PPARGC1A: variants seen among roughly 807,000 people sequenced by gnomAD.
PPARGC1A encodes PPARG coactivator 1 alpha, also known as peroxisome proliferator-activated receptor gamma coactivator 1-alpha.
Under a neutral mutation model 88.7 loss-of-function variants are expected in PPARGC1A, and 25 were observed. The ratio of observed to expected loss-of-function variants is 0.28; its 90% confidence interval spans 0.21 to 0.39. PPARGC1A has a LOEUF of 0.39. PPARGC1A is among the 10% of genes least tolerant of loss of function. PPARGC1A has a pLI of 1.00. For missense variants in PPARGC1A, 880 were observed against 968.7 expected (o/e 0.91, Z 1.22); for synonymous variants, 363 against 355.6 (o/e 1.02, Z -0.24).
the PPARGC1A span, among the ~76,000 whole-genome samples, chr4:24,406,734 C>T: frequency 6.6e-6 from 1 of 152,308 alleles, no homozygotes; most frequent in East Asian, 1.9e-4. Context: ...GAGCTAGCAG[C>T]TCCAGCAGTG....
chr4:24,235,593 T>C, the PPARGC1A span, among the ~76,000 whole-genome samples: 1 of 152,142 alleles, frequency 6.6e-6, no homozygotes. Context: ...AAGAACAACC[T>C]GGAGAGAAAT....
At chr4:23,835,283 T>C (rs1350745638) in intron 2 of PPARGC1A, among the ~76,000 whole-genome samples, 1 of 152,240 alleles carries the variant, frequency 6.6e-6, no homozygotes, top group Non-Finnish European at 1.5e-5. Flanking sequence ...CAACCAGTTT[T>C]CTCCAATTTC....
chr4:24,156,728 C>A, the PPARGC1A span, among the ~76,000 whole-genome samples: 1 of 147,530 alleles, frequency 6.8e-6, no homozygotes, highest in Non-Finnish European at 1.5e-5. Flanking sequence ...GCGGTCTTTT[C>A]TCTCTCTCTT....
At chr4:24,211,062 T>C in the PPARGC1A span, among the ~76,000 whole-genome samples, 43 of 152,340 alleles carry the variant, frequency 2.8e-4, no homozygotes, top group African/African-American at 9.9e-4. Flanking sequence ...CTTACTTGTA[T>C]CAACCACTCT....
chr4:24,455,874 C>A, the PPARGC1A span, among the ~76,000 whole-genome samples: 1 of 152,230 alleles, frequency 6.6e-6, no homozygotes, highest in Non-Finnish European at 1.5e-5. Flanking sequence ...AAATAAATCT[C>A]TGTTTTTTAT....
chr4:24,385,460 T>G, the PPARGC1A span, among the ~76,000 whole-genome samples: 2 of 152,148 alleles, frequency 1.3e-5, no homozygotes, highest in African/African-American at 4.8e-5. Context: ...AGGAGCTGGT[T>G]TTTTGAAAAG....
At chr4:23,986,630 C>T in the PPARGC1A span, among the ~76,000 whole-genome samples, 3 of 152,112 alleles carry the variant, frequency 2.0e-5, no homozygotes, top group Admixed American at 6.6e-5. Flanking sequence ...TTCAGTCTTA[C>T]GATAACAGTT....
At chr4:23,867,111 A>T (rs4631027) in intron 2 of PPARGC1A, among the ~76,000 whole-genome samples, 13,776 of 152,164 alleles carry the variant, frequency 0.091, 1,199 homozygotes, top group African/African-American at 0.23. Flanking sequence ...ACGAGTAAAA[A>T]AATCTAGCAA....
chr4:23,866,681 A>G (rs138179037), intron 2 of PPARGC1A, among the ~76,000 whole-genome samples: 158 of 152,340 alleles, frequency 1.0e-3, no homozygotes, highest in Non-Finnish European at 1.7e-3. Context: ...AGCAGGCACT[A>G]GAGAATTATC....
chr4:24,237,134 CTAT>C, the PPARGC1A span, among the ~76,000 whole-genome samples: 2 of 152,068 alleles, frequency 1.3e-5, no homozygotes, highest in African/African-American at 2.4e-5. Context: ...AGCCCAGAAC[CTAT>C]TATTATAATA....
At chr4:24,079,430 G>A in the PPARGC1A span, among the ~76,000 whole-genome samples, 1 of 151,716 alleles carries the variant, frequency 6.6e-6, no homozygotes, top group African/African-American at 2.4e-5. Context: ...AATTGCTCAT[G>A]GACCCAGCTC....
chr4:24,394,290 T>G, the PPARGC1A span, among the ~76,000 whole-genome samples: 3 of 152,148 alleles, frequency 2.0e-5, no homozygotes, highest in African/African-American at 7.2e-5. Flanking sequence ...TTTTGAGTCA[T>G]TATCCCACAC....
At chr4:23,910,315 AT>A in the PPARGC1A span, among the ~76,000 whole-genome samples, 104 of 42,630 alleles carry the variant, frequency 2.4e-3, 2 homozygotes, top group Middle Eastern at 0.016. Flanking sequence ...TATATATAAT[AT>A]TATATATATT....
the PPARGC1A span, among the ~76,000 whole-genome samples, chr4:24,415,436 A>C: frequency 6.6e-6 from 1 of 152,222 alleles, no homozygotes; most frequent in Admixed American, 6.5e-5. Context: ...GAAGTGGCCC[A>C]GGGTAATACC....
At chr4:24,138,478 G>A in the PPARGC1A span, among the ~76,000 whole-genome samples, 2 of 152,192 alleles carry the variant, frequency 1.3e-5, no homozygotes, top group African/African-American at 4.8e-5. Flanking sequence ...GGTCAACAAG[G>A]GAAGGTATGC....
the PPARGC1A span, among the ~76,000 whole-genome samples, chr4:24,221,329 A>C: frequency 2.6e-5 from 4 of 152,132 alleles, no homozygotes; most frequent in Admixed American, 1.3e-4. Flanking sequence ...TAACTTGTTC[A>C]TTTTATTTAA....
chr4:24,464,945 A>C, the PPARGC1A span, among the ~76,000 whole-genome samples: 1 of 152,282 alleles, frequency 6.6e-6, no homozygotes, highest in Admixed American at 6.5e-5. Flanking sequence ...ACACCGAACA[A>C]ATGCATAAAT....
At chr4:24,169,793 C>T in the PPARGC1A span, among the ~76,000 whole-genome samples, 1 of 151,996 alleles carries the variant, frequency 6.6e-6, no homozygotes, top group Non-Finnish European at 1.5e-5. Flanking sequence ...GCAGAGATGG[C>T]GCTACTACAA....
chr4:24,347,224 T>C, the PPARGC1A span, among the ~76,000 whole-genome samples: 567 of 152,298 alleles, frequency 3.7e-3, 7 homozygotes, highest in African/African-American at 0.013. Context: ...TGCTGTTGAA[T>C]AGAATGTGTA....
Sources: allele counts gnomAD v4.1 joint callset (sites outside exome capture counted in the v4.1 genomes callset), GRCh38; gene constraint gnomAD v4.1.1; transcripts MANE v1.5; gene names NCBI Gene and HGNC (gene_info 2026-07-23, HGNC 2026-07-21).